The following GABRB1 variants were observed in gnomAD, a reference collection of about 807,000 sequenced individuals.
GABRB1 encodes gamma-aminobutyric acid type A receptor subunit beta1.
Under a neutral mutation model 51.6 loss-of-function variants are expected in GABRB1, and 17 were observed. The observed-to-expected ratio is 0.33, with a 90% confidence interval of 0.23 to 0.49. The LOEUF is 0.49. GABRB1 is among the 20% of genes least tolerant of loss of function. GABRB1 has a pLI of 0.99. For missense variants in GABRB1, 410 were observed against 600.6 expected (o/e 0.68, Z 3.32); for synonymous variants, 247 against 218.9 (o/e 1.13, Z -1.14).
At chr4:47,151,190 T>G (rs1384658032) in intron 3 of GABRB1, among the ~76,000 whole-genome samples, 1 of 151,936 alleles carries the variant, frequency 6.6e-6, no homozygotes, top group African/African-American at 2.4e-5. Context: ...TAACTAAAAG[T>G]TCTAAGGGAT....
At chr4:47,402,630 G>T (rs1473859330) in intron 5 of GABRB1, among the ~76,000 whole-genome samples, 3 of 151,724 alleles carry the variant, frequency 2.0e-5, no homozygotes, top group African/African-American at 7.3e-5. Context: ...CTGAGGACAA[G>T]CCCTTCTATT....
intron 4 of GABRB1, among the ~76,000 whole-genome samples, chr4:47,282,484 C>T (rs1259985298): frequency 6.6e-6 from 1 of 152,072 alleles, no homozygotes; most frequent in Non-Finnish European, 1.5e-5. Context: ...CCATACATAA[C>T]TAGTTGTAGT....
chr4:47,073,459 C>T (rs559102920), intron 3 of GABRB1, among the ~76,000 whole-genome samples: 1 of 151,972 alleles, frequency 6.6e-6, no homozygotes, highest in African/African-American at 2.4e-5. Flanking sequence ...ATAGATTGTC[C>T]AGTGTTCTAA....
At chr4:47,247,003 G>A (rs983713303) in intron 4 of GABRB1, among the ~76,000 whole-genome samples, 2 of 151,968 alleles carry the variant, frequency 1.3e-5, no homozygotes, top group Admixed American at 6.6e-5. Flanking sequence ...TATTCTATTT[G>A]CTGAGCAAAA....
At chr4:47,291,350 G>A (rs1320182011) in intron 4 of GABRB1, among the ~76,000 whole-genome samples, 1 of 152,222 alleles carries the variant, frequency 6.6e-6, no homozygotes, top group Non-Finnish European at 1.5e-5. Flanking sequence ...TGGATGCCCA[G>A]GCAGAAGTTT....
chr4:47,267,430 A>G (rs912631857), intron 4 of GABRB1, among the ~76,000 whole-genome samples: 1 of 152,102 alleles, frequency 6.6e-6, no homozygotes. Context: ...ATGAAAGATA[A>G]AAAACTAAAA....
At chr4:47,422,329 G>A (rs898465918) in intron 8 of GABRB1, among the ~76,000 whole-genome samples, 82 of 152,230 alleles carry the variant, frequency 5.4e-4, no homozygotes, top group African/African-American at 1.9e-3. Context: ...ATCCCGATAT[G>A]TGTGAGCTAA....
chr4:47,099,557 A>T (rs1267372799), intron 3 of GABRB1, among the ~76,000 whole-genome samples: 1 of 152,104 alleles, frequency 6.6e-6, no homozygotes, highest in African/African-American at 2.4e-5. Flanking sequence ...GCTTATGCTA[A>T]AACATGTTAA....
intron 3 of GABRB1, among the ~76,000 whole-genome samples, chr4:47,081,877 A>G (rs914469412): frequency 2.2e-4 from 34 of 152,086 alleles, no homozygotes; most frequent in Non-Finnish European, 1.6e-4. Context: ...TTGGTATTCT[A>G]TCATTTGTAC....
intron 5 of GABRB1, among the ~76,000 whole-genome samples, chr4:47,359,415 T>G (rs999738731): frequency 6.6e-6 from 1 of 152,134 alleles, no homozygotes; most frequent in Non-Finnish European, 1.5e-5. Flanking sequence ...CTTTTCAAAG[T>G]GCTTATACAT....
At chr4:47,089,548 C>G (rs562330476) in intron 3 of GABRB1, among the ~76,000 whole-genome samples, 1 of 152,100 alleles carries the variant, frequency 6.6e-6, no homozygotes, top group Non-Finnish European at 1.5e-5. Context: ...ATTTTTCTAT[C>G]TATTCATGTT....
At chr4:47,374,030 T>C (rs928606684) in intron 5 of GABRB1, among the ~76,000 whole-genome samples, 1 of 152,124 alleles carries the variant, frequency 6.6e-6, no homozygotes, top group Non-Finnish European at 1.5e-5. Flanking sequence ...CAGCTCAGTG[T>C]CGGGAGTGAG....
intron 3 of GABRB1, among the ~76,000 whole-genome samples, chr4:47,055,098 G>T (rs568437944): frequency 6.6e-6 from 1 of 152,238 alleles, no homozygotes; most frequent in Admixed American, 6.5e-5. Flanking sequence ...TATATATTCA[G>T]TTTCTAAAAC....
chr4:47,092,032 A>G (rs534114987), intron 3 of GABRB1, among the ~76,000 whole-genome samples: 1 of 151,832 alleles, frequency 6.6e-6, no homozygotes, highest in Non-Finnish European at 1.5e-5. Context: ...CTAATCTTTC[A>G]CAACCCCTTT....
intron 5 of GABRB1, among the ~76,000 whole-genome samples, chr4:47,386,531 C>T (rs1406947636): frequency 1.3e-5 from 2 of 152,138 alleles, no homozygotes; most frequent in African/African-American, 2.4e-5. Flanking sequence ...CATTGAGTAA[C>T]CGTCACTGTG....
At chr4:47,344,186 A>G (rs1324187018) in intron 5 of GABRB1, among the ~76,000 whole-genome samples, 1 of 152,212 alleles carries the variant, frequency 6.6e-6, no homozygotes, top group East Asian at 1.9e-4. Context: ...GAGTGGTAGC[A>G]AAGGTGAGCA....
At chr4:47,255,874 T>G (rs747140546) in intron 4 of GABRB1, among the ~76,000 whole-genome samples, 4 of 152,208 alleles carry the variant, frequency 2.6e-5, no homozygotes, top group Non-Finnish European at 5.9e-5. Context: ...ACAGGGACTG[T>G]GGCTTGTTAC....
At chr4:47,256,545 A>G (rs542265265) in intron 4 of GABRB1, among the ~76,000 whole-genome samples, 1 of 152,212 alleles carries the variant, frequency 6.6e-6, no homozygotes, top group African/African-American at 2.4e-5. Context: ...GAGACTGGAT[A>G]ATCTATAAAG....
chr4:47,169,652 C>T lies in GABRB1; in HGVS notation c.461+8183C>T, dbSNP rs576856078. Reference sequence around the variant, plus strand: ...GAGTAGCTGGGATTACAGGCACGTGCCACCGCACCCAGCTAATTTTTTGTA... The same window carrying T: ...GAGTAGCTGGGATTACAGGCACGTGTCACCGCACCCAGCTAATTTTTTGTA... On this transcript the variant is annotated intron_variant, in intron 4 of 8. Coordinates refer to ENST00000295454, the MANE Select transcript of GABRB1 (RefSeq NM_000812.4). Among the ~76,000 whole-genome samples, 8 of 152,254 alleles carry T rather than the reference C, an allele frequency of 5.3e-5. No homozygotes were observed. The East Asian group carries it at 1.2e-3, about 22-fold the overall frequency.
Sources: gnomAD v4.1 joint callset for allele counts (sites outside exome capture counted in the v4.1 genomes callset) on GRCh38, gnomAD v4.1.1 for gene constraint, MANE v1.5 for transcripts, NCBI Gene and HGNC (gene_info 2026-07-23, HGNC 2026-07-21) for gene names.